The following MEIG1 variants were observed in gnomAD, a reference collection of about 807,000 sequenced individuals.
The protein encoded by MEIG1 is meiosis/spermiogenesis associated 1.
In MEIG1, 12 loss-of-function variants were observed where a neutral mutation model predicts 11.3. That is an observed-to-expected ratio of 1.07 (90% CI 0.68 to 1.73). The LOEUF is 1.73. Among genes scored for constraint, MEIG1 ranks in the 40% most tolerant of loss-of-function variants. MEIG1 has a pLI of 0.00. For synonymous variants in MEIG1, 41 were observed against 33.2 expected (o/e 1.24, Z -0.81); for missense variants, 119 against 104.9 (o/e 1.13, Z -0.59).
chr10:14,975,527 A>C (rs1843200636), downstream of MEIG1, among the ~76,000 whole-genome samples: 2 of 151,966 alleles, frequency 1.3e-5, no homozygotes, highest in Admixed American at 6.5e-5. Context: ...TATTATCCAG[A>C]AGAGGAGAAG....
chr10:14,966,657 C>T, intron 2 of MEIG1, 51 bp downstream of exon 2: 4 of 1,538,142 alleles, frequency 2.6e-6, no homozygotes, highest in East Asian at 2.3e-5. Context: ...TTCTCAGATG[C>T]TGAAAAGTAT....
chr10:14,954,385 G>T, the MEIG1 span: 1 of 361,710 alleles, frequency 2.8e-6, no homozygotes, highest in Non-Finnish European at 5.3e-6. Flanking sequence ...CCCAGCCGAC[G>T]AGGTGAGTGG....
chr10:14,956,318 C>T (rs545178001), upstream of MEIG1, among the ~76,000 whole-genome samples: 1 of 152,224 alleles, frequency 6.6e-6, no homozygotes, highest in Non-Finnish European at 1.5e-5. Context: ...GTGGCTCATG[C>T]CTATAATCCC....
chr10:14,969,207 G>A (rs1490823493), intron 2 of MEIG1, among the ~76,000 whole-genome samples: 1 of 152,234 alleles, frequency 6.6e-6, no homozygotes. Context: ...AGTGCTTTGG[G>A]AGGCTGAGGG....
At chr10:14,959,062 T>C (rs948215859), upstream of MEIG1, among the ~76,000 whole-genome samples, 7 of 152,242 alleles carry the variant, frequency 4.6e-5, no homozygotes, top group Admixed American at 6.5e-5. Context: ...GGCGACTCTC[T>C]GGAATGGTTC....
intron 1 of MEIG1, among the ~76,000 whole-genome samples, chr10:14,983,909 G>A (rs1455031690): frequency 1.3e-5 from 2 of 151,906 alleles, no homozygotes; most frequent in East Asian, 3.9e-4. Flanking sequence ...TTTCAATATC[G>A]CATGGGGTGG....
intron 1 of MEIG1, among the ~76,000 whole-genome samples, chr10:14,960,196 A>C (rs913807901): frequency 9.2e-5 from 14 of 152,202 alleles, no homozygotes; most frequent in African/African-American, 3.1e-4. Flanking sequence ...TGCTGGTTAC[A>C]GGGCTCCTCC....
chr10:14,981,277 G>C (rs888832755), intron 1 of MEIG1, among the ~76,000 whole-genome samples: 4 of 151,316 alleles, frequency 2.6e-5, no homozygotes, highest in Non-Finnish European at 5.9e-5. Flanking sequence ...CTCCTCTCGG[G>C]GGACTGTAAG....
intron 2 of MEIG1, among the ~76,000 whole-genome samples, chr10:14,971,008 T>C (rs1448915064): frequency 6.6e-6 from 1 of 151,990 alleles, no homozygotes; most frequent in Admixed American, 6.6e-5. Flanking sequence ...AGGGATAACA[T>C]TGAAGAGGAA....
chr10:14,959,213 CT>C (rs1564502006), upstream of MEIG1, among the ~76,000 whole-genome samples: 1 of 152,218 alleles, frequency 6.6e-6, no homozygotes, highest in South Asian at 2.1e-4. Flanking sequence ...TCCATCTCTG[CT>C]CAGGGGTGAG....
intron 1 of MEIG1, 85 bp downstream of exon 1, chr10:14,959,642 C>T (rs1236126502): frequency 6.6e-6 from 1 of 152,392 alleles, no homozygotes; most frequent in Non-Finnish European, 1.5e-5. Context: ...AGTTCTTGCC[C>T]CGCCTTCTCG....
At chr10:14,974,434 G>T (rs1462892613), downstream of MEIG1, among the ~76,000 whole-genome samples, 1 of 152,008 alleles carries the variant, frequency 6.6e-6, no homozygotes, top group African/African-American at 2.4e-5. Context: ...TGAGAAGGTC[G>T]GCAGAGGTGA....
At chr10:14,964,585 G>GTGTGTGTATA (rs1378376059) in intron 1 of MEIG1, among the ~76,000 whole-genome samples, 6 of 93,036 alleles carry the variant, frequency 6.4e-5, no homozygotes, top group African/African-American at 2.0e-4. Flanking sequence ...GTGTGTGTGT[G>GTGTGTGTATA]TATATATATA....
intron 1 of MEIG1, among the ~76,000 whole-genome samples, chr10:14,981,489 C>A (rs1843262337): frequency 6.6e-6 from 1 of 152,134 alleles, no homozygotes; most frequent in African/African-American, 2.4e-5. Flanking sequence ...TTGCGGAAAC[C>A]CCCGTGGCTC....
intron 1 of MEIG1, among the ~76,000 whole-genome samples, chr10:14,982,904 T>C (rs942135911): frequency 1.3e-5 from 2 of 152,148 alleles, no homozygotes; most frequent in Non-Finnish European, 2.9e-5. Flanking sequence ...ATATTGATCT[T>C]ATTCATTAGA....
downstream of MEIG1, among the ~76,000 whole-genome samples, chr10:14,973,892 C>G (rs924786749): frequency 1.3e-5 from 2 of 152,018 alleles, no homozygotes; most frequent in African/African-American, 2.4e-5. Flanking sequence ...AGGATTGCAG[C>G]CTCAGGATTT....
chr10:14,957,035 CAAAAGAG>C (rs200355562), upstream of MEIG1, among the ~76,000 whole-genome samples: 812 of 152,296 alleles, frequency 5.3e-3, 11 homozygotes, highest in African/African-American at 0.019. Context: ...GTCTAGACGA[CAAAAGAG>C]ACCCTGTCTC....
At chr10:14,981,891 A>T (rs1342689350) in intron 1 of MEIG1, among the ~76,000 whole-genome samples, 1 of 152,042 alleles carries the variant, frequency 6.6e-6, no homozygotes, top group East Asian at 1.9e-4. Context: ...CAGCTAACAA[A>T]CAGGTCGGCG....
At chr10:14,971,204 T>TATAATAATA (rs773804590) in intron 2 of MEIG1, among the ~76,000 whole-genome samples, 1 of 57,144 alleles carries the variant, frequency 1.7e-5, no homozygotes, top group Non-Finnish European at 3.9e-5. Context: ...CTCGGCAACA[T>TATAATAATA]ATAATAATAA....
Sources: gnomAD v4.1 joint callset for allele counts (sites outside exome capture counted in the v4.1 genomes callset) on GRCh38, gnomAD v4.1.1 for gene constraint, MANE v1.5 for transcripts, NCBI Gene and HGNC (gene_info 2026-07-23, HGNC 2026-07-21) for gene names.